Variants in RPS6KA2 observed in about 807,000 individuals in gnomAD.
The protein encoded by RPS6KA2 is ribosomal protein S6 kinase alpha-2.
RPS6KA2 carries 42 observed loss-of-function variants against 91.8 expected under a neutral mutation model. The observed-to-expected ratio is 0.46, with a 90% CI of 0.36 to 0.59. The LOEUF is 0.59. Among genes scored for constraint, RPS6KA2 ranks in the 20% least tolerant of loss-of-function variants. The pLI, the probability that RPS6KA2 is intolerant of heterozygous loss-of-function variation, is 0.00. For missense variants in RPS6KA2, 798 were observed against 978.5 expected, an observed-to-expected ratio of 0.82 and a Z score of 2.46; for synonymous variants, 414 against 393.6, an observed-to-expected ratio of 1.05 and a Z score of -0.61.
chr6:166,561,929 G>A (rs375332163), intron 1 of RPS6KA2, among the ~76,000 whole-genome samples: 19 of 152,272 alleles, frequency 1.2e-4, no homozygotes, highest in African/African-American at 4.6e-4. Flanking sequence ...GGTCATAAAA[G>A]TGAGGGCGTA....
At chr6:166,481,513 G>A (rs1196946264) in intron 10 of RPS6KA2, among the ~76,000 whole-genome samples, 1 of 152,204 alleles carries the variant, frequency 6.6e-6, no homozygotes, top group Non-Finnish European at 1.5e-5. Flanking sequence ...CAATCTTAAA[G>A]TATGTGCTGC....
intron 6 of RPS6KA2, among the ~76,000 whole-genome samples, chr6:166,503,104 G>A (rs766102788): frequency 5.3e-5 from 8 of 152,302 alleles, no homozygotes; most frequent in Admixed American, 2.0e-4. Context: ...ATGAAACCAC[G>A]TTTGTGTTAA....
In RPS6KA2 at chr6:166,451,141, G is replaced by C; in HGVS notation, c.1168C>G (p.Gln390Glu). 2 of 1,614,102 alleles carry C rather than the reference G, an allele frequency of 1.2e-6. No individual in the cohort carries two copies. ...ASSLIQEPSQ[Q>E]DLHKVPVHPI... is the part of the protein sequence containing the mutation. ...TGAACTGGGACTTTGTGCAGATCTT[G>C]CTGTGAGGGCTCCTGGATCAGGCTT... The change falls in exon 13 of 21, where the codon CAA becomes GAA. Residue 390 changes from glutamine (Q) to glutamate (E), a missense_variant. Gln to Glu is a conservative substitution (Grantham distance 29, BLOSUM62 2). Transcript: ENST00000265678.
At chr6:166,650,148 CAAAA>C (rs71800915) in intron 2 of RPS6KA2, among the ~76,000 whole-genome samples, 1 of 94,734 alleles carries the variant, frequency 1.1e-5, no homozygotes. Context: ...TTGGGAATTA[CAAAA>C]AAAAAAAAAA....
At chr6:166,624,472 C>G (rs1562349267) in intron 1 of RPS6KA2, among the ~76,000 whole-genome samples, 1 of 152,170 alleles carries the variant, frequency 6.6e-6, no homozygotes, top group African/African-American at 2.4e-5. Flanking sequence ...TGTGAACACA[C>G]AAACGAACAG....
intron 1 of RPS6KA2, among the ~76,000 whole-genome samples, chr6:166,555,760 G>A (rs1285767825): frequency 6.6e-6 from 1 of 152,110 alleles, no homozygotes; most frequent in Non-Finnish European, 1.5e-5. Flanking sequence ...AATCATCATG[G>A]AACAAGAGCA....
chr6:166,698,749 G>A (rs1789425539), intron 2 of RPS6KA2, among the ~76,000 whole-genome samples: 1 of 152,208 alleles, frequency 6.6e-6, no homozygotes. Context: ...TGGATGAGGT[G>A]GCGAACTCGT....
chr6:166,429,326 T>C (rs1779041330), intron 16 of RPS6KA2, among the ~76,000 whole-genome samples: 1 of 147,366 alleles, frequency 6.8e-6, no homozygotes, highest in African/African-American at 2.5e-5. Context: ...TTAGGAGATA[T>C]ACCTAATGCT....
Position 166,423,368 on chromosome 6 carries a change from G to A in RPS6KA2, c.1631C>T (p.Ser544Leu), listed in dbSNP as rs571872261. 2.0e-4 allele frequency: 315 copies of A among 1,614,164 alleles called. 6 individuals carry two copies. The South Asian group carries it at 3.3e-3, about 17-fold the overall frequency. ...KPSNILYRDE[S>L]GSPESIRVCD... ...GACTCGGATGGATTCTGGGCTCCCCGACTCATCCCTGTACAGGATGTTACT... is the reference window on the plus strand; with the variant it reads ...GACTCGGATGGATTCTGGGCTCCCCAACTCATCCCTGTACAGGATGTTACT... The change falls in exon 17 of 21, where the codon TCG becomes TTG. Residue 544 changes from serine to leucine, a missense_variant. Coordinates refer to ENST00000265678, the MANE Select transcript of RPS6KA2 (RefSeq NM_021135.6). This position sits in a 1 kb window ranked among gnomAD's most constrained non-coding sequence, Gnocchi z 4.8.
intron 2 of RPS6KA2, among the ~76,000 whole-genome samples, chr6:166,848,575 A>C (rs996874213): frequency 6.6e-6 from 1 of 152,270 alleles, no homozygotes; most frequent in Non-Finnish European, 1.5e-5. Context: ...ACTCAGCCAT[A>C]AAAAGAATGA....
intron 2 of RPS6KA2, among the ~76,000 whole-genome samples, chr6:166,728,180 T>C (rs940746995): frequency 3.3e-5 from 5 of 152,114 alleles, no homozygotes; most frequent in Non-Finnish European, 5.9e-5. Flanking sequence ...TCGACAGAGG[T>C]CCTGGAACCA....
Position 166,451,199 on chromosome 6 carries a change from A to G in RPS6KA2, c.1110T>C (p.His370=), listed in dbSNP as rs1779902031. The G allele has an allele frequency of 6.2e-7, 1 of 1,613,976 alleles. No homozygotes were observed. The highest frequency in any genetic ancestry group is 8.5e-7 in the Non-Finnish European group (1 of 1,180,002). Residue 370 remains histidine, a synonymous_variant, in exon 13 of 21, where the codon CAT becomes CAC. Coordinates refer to ENST00000265678, the MANE Select transcript of RPS6KA2 (RefSeq NM_021135.6). The part of the protein sequence containing the change: ...SPGVPPSANA[H]HLFRGFSFVA... ...CAAAGCTGAATCCTCTAAACAGGTG[A>G]TGAGCGTTTGCACTCGGGGGGACGC...
intron 2 of RPS6KA2, among the ~76,000 whole-genome samples, chr6:166,725,867 G>A (rs1012685959): frequency 6.6e-6 from 1 of 152,260 alleles, no homozygotes; most frequent in African/African-American, 2.4e-5. Context: ...TGTCAGCTGA[G>A]GGGTGGGGAG....
At chr6:166,586,889 G>A (rs1189850252) in intron 1 of RPS6KA2, among the ~76,000 whole-genome samples, 1 of 152,226 alleles carries the variant, frequency 6.6e-6, no homozygotes, top group African/African-American at 2.4e-5. Flanking sequence ...GCTCCCCTCA[G>A]CTGCCTCCCA....
intron 14 of RPS6KA2, among the ~76,000 whole-genome samples, chr6:166,446,628 C>T (rs1310390116): frequency 3.3e-5 from 5 of 152,170 alleles, no homozygotes; most frequent in Non-Finnish European, 7.3e-5. Context: ...AAGCTGAATT[C>T]AGACAGTGTC....
Position 166,415,968 on chromosome 6 carries a change from TCAC to T in RPS6KA2, c.1939-2040_1939-2038del, listed in dbSNP as rs567869805. Among the ~76,000 whole-genome samples the T allele has an allele frequency of 4.5e-3, 473 of 105,716 alleles. 4 individuals carry two copies. Among genetic ancestry groups the T allele is most frequent in the Middle Eastern group, 0.023 (3 of 128 alleles). 69.4% of individuals were successfully genotyped at this position (105,716 alleles called of 152,430 possible). Reference sequence around the variant, plus strand: ...ACCACAATCACCTTCACCATCATCTTCACCATCTCCACCATCATCCTCACCATC... The same window carrying T: ...ACCACAATCACCTTCACCATCATCTTCATCTCCACCATCATCCTCACCATC... On this transcript the variant is annotated intron_variant, in intron 19 of 20. Coordinates refer to ENST00000265678, the MANE Select transcript of RPS6KA2 (RefSeq NM_021135.6).
At chr6:166,804,375 T>A (rs1326805452) in intron 2 of RPS6KA2, among the ~76,000 whole-genome samples, 1 of 151,920 alleles carries the variant, frequency 6.6e-6, no homozygotes, top group Non-Finnish European at 1.5e-5. Context: ...AATTTTTTAA[T>A]ACAATCAAAG....
chr6:166,663,133 T>C (rs879419445), intron 2 of RPS6KA2, among the ~76,000 whole-genome samples: 3 of 149,144 alleles, frequency 2.0e-5, no homozygotes, highest in Non-Finnish European at 3.0e-5. Context: ...CAGACTAATA[T>C]GTTAACAGAA....
intron 2 of RPS6KA2, among the ~76,000 whole-genome samples, chr6:166,758,163 C>T (rs139608040): frequency 1.7e-4 from 26 of 152,160 alleles, no homozygotes; most frequent in African/African-American, 1.7e-4. Context: ...AGGAGGCAGG[C>T]GTAGGAGGAA....
Sources: allele counts gnomAD v4.1 joint callset (sites outside exome capture counted in the v4.1 genomes callset), GRCh38; gene constraint gnomAD v4.1.1; non-coding constraint Gnocchi (gnomAD v3.1); transcripts MANE v1.5; gene names NCBI Gene and HGNC (gene_info 2026-07-23, HGNC 2026-07-21).